The following FKBP5 variants were observed in gnomAD, a reference collection of about 807,000 sequenced individuals.
FKBP5 encodes peptidyl-prolyl cis-trans isomerase FKBP5.
Under a neutral mutation model 50.5 loss-of-function variants are expected in FKBP5, and 23 were observed. The observed-to-expected ratio is 0.46, with a 90% CI of 0.33 to 0.65. FKBP5 has a LOEUF of 0.65. Ranked by LOEUF, FKBP5 falls within the 30% of genes least tolerant of loss-of-function variation. The pLI, the probability that FKBP5 is intolerant of heterozygous loss-of-function variation, is 0.02. For missense variants in FKBP5, 411 were observed against 553.1 expected, an observed-to-expected ratio of 0.74 and a Z score of 2.58; for synonymous variants, 176 against 190.6, an observed-to-expected ratio of 0.92 and a Z score of 0.63.
At chr6:35,650,315 A>G (rs1027208952) in intron 1 of FKBP5, among the ~76,000 whole-genome samples, 1 of 151,608 alleles carries the variant, frequency 6.6e-6, no homozygotes, top group African/African-American at 2.4e-5. Flanking sequence ...AAAAAAAAAA[A>G]AGGAAAAAAG....
At chr6:35,617,546 T>A (rs1270293456) in intron 5 of FKBP5, among the ~76,000 whole-genome samples, 1 of 152,228 alleles carries the variant, frequency 6.6e-6, no homozygotes. Context: ...CATGTTCCCA[T>A]CCTTGTTGAA....
At chr6:35,626,230 A>T (rs1389710929) in intron 3 of FKBP5, among the ~76,000 whole-genome samples, 1 of 152,204 alleles carries the variant, frequency 6.6e-6, no homozygotes, top group Non-Finnish European at 1.5e-5. Flanking sequence ...ACTAAATTTA[A>T]ATGCTTTTTA....
intron 1 of FKBP5, among the ~76,000 whole-genome samples, chr6:35,658,657 GTACATGA>G: frequency 1.1e-5 from 1 of 88,342 alleles, no homozygotes; most frequent in African/African-American, 3.5e-5. Flanking sequence ...TGCTAATGTG[GTACATGA>G]CATTGGTTTT....
intron 2 of FKBP5, among the ~76,000 whole-genome samples, chr6:35,713,077 T>TAAA (rs34258638): frequency 2.4e-3 from 128 of 52,910 alleles, no homozygotes; most frequent in Admixed American, 6.5e-3. Context: ...ATCTGGTCTC[T>TAAA]AAAAAAAAAA....
intron 2 of FKBP5, among the ~76,000 whole-genome samples, chr6:35,716,731 C>G (rs535796046): frequency 6.6e-6 from 1 of 151,990 alleles, no homozygotes; most frequent in Non-Finnish European, 1.5e-5. Context: ...AACATTACCC[C>G]CTGCTTGGCT....
At chr6:35,691,690 C>G, upstream of FKBP5, among the ~76,000 whole-genome samples, 1 of 152,188 alleles carries the variant, frequency 6.6e-6, no homozygotes, top group Admixed American at 6.5e-5. Flanking sequence ...CTGCACTTGC[C>G]TTCCTTGGCA....
chr6:35,679,720 A>G (rs1220950996), intron 1 of FKBP5, among the ~76,000 whole-genome samples: 1 of 152,200 alleles, frequency 6.6e-6, no homozygotes, highest in Non-Finnish European at 1.5e-5. Context: ...GAGATAAACT[A>G]TGAGTACACA....
Position 35,656,194 on chromosome 6 carries a change from TA to T in FKBP5, c.-19-13352del, listed in dbSNP as rs564491484. Among the ~76,000 whole-genome samples the T allele has an allele frequency of 5.3e-4, 80 of 152,216 alleles. No homozygotes were observed. In the Middle Eastern group the frequency reaches 0.017, roughly 32 times the overall value. On this transcript the variant is annotated intron_variant, in intron 1 of 10. Coordinates refer to ENST00000357266, the MANE Select transcript of FKBP5 (RefSeq NM_004117.4). ...AGCATTTGAGTCTGTGTAGAAAGAA[TA>T]AAAAATCTCGGCCATCTTAAATCCC... is the stretch of plus-strand genomic sequence containing the variant.
chr6:35,673,821 T>G (rs1221233701), intron 1 of FKBP5, among the ~76,000 whole-genome samples: 1 of 152,212 alleles, frequency 6.6e-6, no homozygotes, highest in Non-Finnish European at 1.5e-5. Flanking sequence ...ACAGAAAATT[T>G]ATTTATTGTA....
intron 3 of FKBP5, among the ~76,000 whole-genome samples, chr6:35,636,602 T>C (rs1170398223): frequency 6.6e-6 from 1 of 152,206 alleles, no homozygotes; most frequent in Admixed American, 6.5e-5. Flanking sequence ...AAACTAATAA[T>C]TTTTACTGCT....
chr6:35,725,104 G>A (rs908694016), intron 1 of FKBP5, among the ~76,000 whole-genome samples: 8 of 152,162 alleles, frequency 5.3e-5, no homozygotes, highest in Non-Finnish European at 1.0e-4. Context: ...GATCATAAAC[G>A]TATTGATCTC....
At chr6:35,620,746 C>T (rs1056816378) in intron 3 of FKBP5, among the ~76,000 whole-genome samples, 1 of 151,978 alleles carries the variant, frequency 6.6e-6, no homozygotes, top group Non-Finnish European at 1.5e-5. Flanking sequence ...CAGAGTGAGA[C>T]CCTGTCTCAA....
At chr6:35,683,104 G>A (rs4713910) in intron 1 of FKBP5, among the ~76,000 whole-genome samples, 1 of 147,308 alleles carries the variant, frequency 6.8e-6, no homozygotes, top group Admixed American at 7.0e-5. Flanking sequence ...AAGTGTGTGT[G>A]TATATATATA....
intron 1 of FKBP5, among the ~76,000 whole-genome samples, chr6:35,688,043 C>CT (rs1247860597): frequency 6.6e-6 from 1 of 152,262 alleles, no homozygotes; most frequent in African/African-American, 2.4e-5. Context: ...ATAAGGAGCC[C>CT]TGGCACAGCG....
At chr6:35,662,591 A>C (rs1194550419) in intron 1 of FKBP5, among the ~76,000 whole-genome samples, 1 of 152,012 alleles carries the variant, frequency 6.6e-6, no homozygotes, top group Non-Finnish European at 1.5e-5. Flanking sequence ...GCTGTGTCCA[A>C]ATATATTTCA....
chr6:35,652,666 C>T (rs954978067), intron 1 of FKBP5, among the ~76,000 whole-genome samples: 3 of 152,142 alleles, frequency 2.0e-5, no homozygotes, highest in African/African-American at 7.2e-5. Context: ...GACAATGGTG[C>T]CCGAAACTTT....
intron 1 of FKBP5, among the ~76,000 whole-genome samples, chr6:35,720,957 A>C (rs1766600165): frequency 1.3e-5 from 2 of 152,164 alleles, no homozygotes; most frequent in Non-Finnish European, 2.9e-5. Context: ...AAAGTGGTAA[A>C]GTGCTAGTCT....
chr6:35,623,116 C>T (rs1456697051), intron 3 of FKBP5, among the ~76,000 whole-genome samples: 1 of 152,174 alleles, frequency 6.6e-6, no homozygotes, highest in African/African-American at 2.4e-5. Flanking sequence ...GTGGCTAGCG[C>T]CTGTAGTCCC....
chr6:35,603,023 G>C (rs575194120), intron 5 of FKBP5, among the ~76,000 whole-genome samples: 1 of 152,272 alleles, frequency 6.6e-6, no homozygotes, highest in East Asian at 1.9e-4. Context: ...CTTTGGGCAA[G>C]GTAATTAAAG....
Sources: allele counts gnomAD v4.1 joint callset (sites outside exome capture counted in the v4.1 genomes callset), GRCh38; gene constraint gnomAD v4.1.1; transcripts MANE v1.5; gene names NCBI Gene and HGNC (gene_info 2026-07-23, HGNC 2026-07-21).